The following CSMD1 variants were observed in gnomAD, a reference collection of about 807,000 sequenced individuals.
CSMD1 encodes CUB and Sushi multiple domains 1, also known as CUB and sushi domain-containing protein 1.
CSMD1 carries 213 observed loss-of-function variants against 417.5 expected under a neutral mutation model. That is an observed-to-expected ratio of 0.51 (90% CI 0.46 to 0.57). The LOEUF is 0.57. CSMD1 is among the 20% of genes least tolerant of loss of function. The probability of loss-of-function intolerance (pLI) is 0.00; values close to 1 mark genes in which losing one functional copy is unlikely to be tolerated. For synonymous variants in CSMD1, 2,862 were observed against 1,736.8 expected, an observed-to-expected ratio of 1.65 and a Z score of -16.11; for missense variants, 6,923 against 4,529.7, an observed-to-expected ratio of 1.53 and a Z score of -15.17.
chr8:4,451,398 T>A (rs1413882111), intron 2 of CSMD1, among the ~76,000 whole-genome samples: 1 of 152,170 alleles, frequency 6.6e-6, no homozygotes, highest in African/African-American at 2.4e-5. Flanking sequence ...TTATTGAACA[T>A]GTGCTATGAT....
At chr8:3,405,892 G>A in intron 15 of CSMD1, 135 bp downstream of exon 15, 1 of 768,042 alleles carries the variant, frequency 1.3e-6, no homozygotes, top group Non-Finnish European at 2.1e-6. Context: ...GTACACTCCT[G>A]TTGGTTAAGT....
At chr8:3,089,219 T>C (rs141352484) in intron 48 of CSMD1, among the ~76,000 whole-genome samples, 2 of 152,206 alleles carry the variant, frequency 1.3e-5, no homozygotes, top group South Asian at 2.1e-4. Flanking sequence ...AGCTGGGATA[T>C]AGAATGAAAA....
intron 2 of CSMD1, among the ~76,000 whole-genome samples, chr8:4,578,744 G>A (rs1261118718): frequency 7.3e-5 from 11 of 149,958 alleles, no homozygotes; most frequent in East Asian, 2.0e-4. Context: ...AACCTGGGAG[G>A]GGGAGGTTGC....
intron 15 of CSMD1, among the ~76,000 whole-genome samples, chr8:3,404,814 G>C (rs1812248144): frequency 6.6e-6 from 1 of 152,176 alleles, no homozygotes; most frequent in South Asian, 2.1e-4. Context: ...GGACACCTGA[G>C]ACGCTTTGAG....
At chr8:4,641,311 C>T (rs991133878) in intron 1 of CSMD1, among the ~76,000 whole-genome samples, 1 of 152,044 alleles carries the variant, frequency 6.6e-6, no homozygotes, top group African/African-American at 2.4e-5. Flanking sequence ...AAACATCTGG[C>T]TCCTATCTAA....
intron 7 of CSMD1, among the ~76,000 whole-genome samples, chr8:3,632,182 G>C (rs1267567248): frequency 6.6e-6 from 1 of 152,170 alleles, no homozygotes; most frequent in South Asian, 2.1e-4. Flanking sequence ...AAGAGCTATA[G>C]CAAAGGCAGA....
At chr8:3,280,597 A>T (rs2117213595) in intron 26 of CSMD1, among the ~76,000 whole-genome samples, 1 of 152,296 alleles carries the variant, frequency 6.6e-6, no homozygotes, top group African/African-American at 2.4e-5. Flanking sequence ...ATAGGGTTGG[A>T]GGGATGGATC....
chr8:3,263,780 G>C (rs1398468590), intron 26 of CSMD1, among the ~76,000 whole-genome samples: 1 of 152,124 alleles, frequency 6.6e-6, no homozygotes, highest in East Asian at 1.9e-4. Context: ...TAAATGAATT[G>C]TGACTTCTCT....
intron 26 of CSMD1, among the ~76,000 whole-genome samples, chr8:3,251,803 T>A (rs1330145573): frequency 2.0e-5 from 3 of 152,148 alleles, no homozygotes; most frequent in African/African-American, 7.2e-5. Flanking sequence ...TGGATTCATA[T>A]GTATTTTATT....
intron 1 of CSMD1, among the ~76,000 whole-genome samples, chr8:4,672,886 C>T (rs1001510573): frequency 5.3e-5 from 8 of 152,024 alleles, no homozygotes; most frequent in South Asian, 4.2e-4. Context: ...TGGAGCACAC[C>T]GAAACATGAG....
intron 2 of CSMD1, among the ~76,000 whole-genome samples, chr8:4,453,214 G>GAGAC (rs756385680): frequency 3.2e-5 from 3 of 95,052 alleles, no homozygotes; most frequent in African/African-American, 1.2e-4. Context: ...GACACACACA[G>GAGAC]AGACACACAC....
At chr8:3,679,642 C>A (rs1372961501) in intron 7 of CSMD1, among the ~76,000 whole-genome samples, 2 of 152,236 alleles carry the variant, frequency 1.3e-5, no homozygotes, top group South Asian at 4.1e-4. Flanking sequence ...AGCAAGTTAA[C>A]AAGGATATCC....
At chr8:3,666,549 G>A (rs901817259) in intron 7 of CSMD1, among the ~76,000 whole-genome samples, 1 of 152,086 alleles carries the variant, frequency 6.6e-6, no homozygotes, top group African/African-American at 2.4e-5. Flanking sequence ...GCCTGATATG[G>A]TTTGGCTGTG....
chr8:4,512,118 A>G (rs1802855014), intron 2 of CSMD1, among the ~76,000 whole-genome samples: 1 of 152,216 alleles, frequency 6.6e-6, no homozygotes, highest in African/African-American at 2.4e-5. Flanking sequence ...CATCTCAGGT[A>G]TGCAAGGCTG....
chr8:4,217,995 T>C (rs1476978693), intron 3 of CSMD1, among the ~76,000 whole-genome samples: 2 of 152,076 alleles, frequency 1.3e-5, no homozygotes, highest in Admixed American at 6.6e-5. Flanking sequence ...GAAGAAGAAA[T>C]ATCCAACCTC....
chr8:3,236,018 C>T (rs1004867624), intron 26 of CSMD1, among the ~76,000 whole-genome samples: 4 of 149,102 alleles, frequency 2.7e-5, no homozygotes, highest in African/African-American at 9.9e-5. Flanking sequence ...TCCGGGTTCA[C>T]GCCATTCTCC....
At chr8:4,601,378 C>G (rs192324509) in intron 2 of CSMD1, among the ~76,000 whole-genome samples, 1 of 152,312 alleles carries the variant, frequency 6.6e-6, no homozygotes, top group African/African-American at 2.4e-5. Flanking sequence ...TGTCTGTTAT[C>G]ATGGCATTTG....
chr8:4,222,688 T>C (rs927052746), intron 3 of CSMD1, among the ~76,000 whole-genome samples: 17 of 152,158 alleles, frequency 1.1e-4, no homozygotes, highest in Admixed American at 7.9e-4. Flanking sequence ...AACTATTCAG[T>C]TATGCCTCTA....
chr8:4,586,560 C>T (rs1295314327), intron 2 of CSMD1, among the ~76,000 whole-genome samples: 1 of 151,224 alleles, frequency 6.6e-6, no homozygotes, highest in African/African-American at 2.5e-5. Flanking sequence ...TGGACGTAAC[C>T]TTTTTAGCAT....
Sources: gnomAD v4.1 joint callset for allele counts (sites outside exome capture counted in the v4.1 genomes callset) on GRCh38, gnomAD v4.1.1 for gene constraint, MANE v1.5 for transcripts, NCBI Gene and HGNC (gene_info 2026-07-23, HGNC 2026-07-21) for gene names.